The following SLC24A4 variants were observed in gnomAD, a reference collection of about 807,000 sequenced individuals.
SLC24A4 encodes the protein solute carrier family 24 member 4.
In SLC24A4, 53 loss-of-function variants were observed where a neutral mutation model predicts 79.0. The ratio of observed to expected loss-of-function variants is 0.67; its 90% CI spans 0.54 to 0.84. The LOEUF (loss-of-function observed/expected upper bound fraction) is 0.84. Ranked by LOEUF, SLC24A4 falls within the 40% of genes least tolerant of loss-of-function variation. The pLI, the probability that SLC24A4 is intolerant of heterozygous loss-of-function variation, is 0.00. For synonymous variants in SLC24A4, 323 were observed against 323.8 expected (o/e 1.00, Z 0.03); for missense variants, 731 against 822.0 (o/e 0.89, Z 1.35).
chr14:92,355,889 T>C (rs1316110349), intron 2 of SLC24A4, among the ~76,000 whole-genome samples: 1 of 152,190 alleles, frequency 6.6e-6, no homozygotes, highest in African/African-American at 2.4e-5. Flanking sequence ...TGTGTTGATT[T>C]GTTTGTGGGT....
chr14:92,354,313 G>A (rs949622434), intron 2 of SLC24A4, among the ~76,000 whole-genome samples: 2 of 152,072 alleles, frequency 1.3e-5, no homozygotes, highest in African/African-American at 4.8e-5. Context: ...ACCATGCCCG[G>A]CTATTTTTTT....
rs1446797004 is a variant in SLC24A4 at position 92,323,997 on chromosome 14, T to TG, written c.130+42dup. ...TACGGGTCCCCTCTTCCTGGGGAGTTGGGGGCTTTGGCTGGGGAGTCTCGG... is the reference window on the plus strand; with the variant it reads ...TACGGGTCCCCTCTTCCTGGGGAGTTGGGGGGCTTTGGCTGGGGAGTCTCGG... On this transcript the variant is annotated intron_variant, in intron 1 of 16. Transcript: ENST00000532405. This position sits in a 1 kb window ranked among gnomAD's most constrained non-coding sequence, Gnocchi z 4.9. 4 of 1,594,910 alleles carry TG rather than the reference T, an allele frequency of 2.5e-6. No homozygotes were observed. Among genetic ancestry groups the TG allele is most frequent in the African/African-American group, 2.7e-5 (2 of 74,086 alleles).
intron 10 of SLC24A4, 25 bp from the exon 11 acceptor site, chr14:92,453,875 C>G (rs758406863): frequency 6.3e-7 from 1 of 1,591,812 alleles, no homozygotes; most frequent in Admixed American, 1.8e-5. Context: ...GAGATCAGCA[C>G]TAATCACGGT....
intron 13 of SLC24A4, chr14:92,484,793 A>G: frequency 1.0e-6 from 1 of 985,420 alleles, no homozygotes; most frequent in Non-Finnish European, 1.2e-6. Flanking sequence ...ACTGTGTCAG[A>G]AGCATCCAGT....
chr14:92,442,005 G>T lies in SLC24A4; in HGVS notation c.394-84G>T. 9 of 1,097,414 alleles carry T rather than the reference G, an allele frequency of 8.2e-6. No homozygotes were observed. The South Asian group carries it at 1.2e-4, about 14-fold the overall frequency. 68.0% of individuals were successfully genotyped at this position (1,097,414 alleles called of 1,614,324 possible). A position where few individuals can be genotyped will look rare whatever the true frequency, so the allele number is the denominator to read the frequency against. Reference sequence around the variant, plus strand: ...CCTCTGGCTGCAGCACTGCTCTCCTGCATGCTCCTTGGCTGTAGAGCGTCC... The same window carrying T: ...CCTCTGGCTGCAGCACTGCTCTCCTTCATGCTCCTTGGCTGTAGAGCGTCC... On this transcript the variant is annotated intron_variant, in intron 4 of 16. Transcript: ENST00000532405.
At chr14:92,489,793 C>G (rs1045535727) in intron 14 of SLC24A4, among the ~76,000 whole-genome samples, 1 of 152,158 alleles carries the variant, frequency 6.6e-6, no homozygotes, top group South Asian at 2.1e-4. Flanking sequence ...TCCACCAAAC[C>G]TGAGACCCGC....
At chr14:92,375,598 C>A (rs1268193787) in intron 2 of SLC24A4, among the ~76,000 whole-genome samples, 1 of 152,202 alleles carries the variant, frequency 6.6e-6, no homozygotes, top group Admixed American at 6.5e-5. Context: ...TGTGCTATGT[C>A]CATATAATGG....
chr14:92,400,849 A>G (rs968459756), intron 2 of SLC24A4, among the ~76,000 whole-genome samples: 1 of 152,218 alleles, frequency 6.6e-6, no homozygotes, highest in Non-Finnish European at 1.5e-5. Context: ...CATATGCAAG[A>G]TAGAAAGAGC....
chr14:92,371,076 C>T (rs1042639742), intron 2 of SLC24A4, among the ~76,000 whole-genome samples: 1 of 151,910 alleles, frequency 6.6e-6, no homozygotes, highest in South Asian at 2.1e-4. Context: ...AACTTTCCTT[C>T]TAATAAAAAG....
intron 11 of SLC24A4, 40 bp downstream of exon 11, chr14:92,454,109 G>T: frequency 6.3e-7 from 1 of 1,590,110 alleles, no homozygotes; most frequent in East Asian, 2.3e-5. Flanking sequence ...AGCAGCCTTG[G>T]ATGCAGGAGG....
chr14:92,468,068 A>G (rs1343565079), intron 12 of SLC24A4, among the ~76,000 whole-genome samples: 6 of 152,224 alleles, frequency 3.9e-5, no homozygotes, highest in Non-Finnish European at 8.8e-5. Context: ...TAGATTTAAT[A>G]AACATGCAGC....
chr14:92,454,191 T>G (rs1893325517), intron 11 of SLC24A4, 122 bp downstream of exon 11: 1 of 1,016,662 alleles, frequency 9.8e-7, no homozygotes, highest in Non-Finnish European at 1.4e-6. Flanking sequence ...CCCTGGGGCC[T>G]CCAGAAGCCT....
At chr14:92,330,647 G>A (rs1011739258) in intron 2 of SLC24A4, among the ~76,000 whole-genome samples, 2 of 152,224 alleles carry the variant, frequency 1.3e-5, no homozygotes, top group African/African-American at 4.8e-5. Flanking sequence ...GGTTGTGGAG[G>A]CTGGCAAATC....
At chr14:92,445,813 A>G (rs1402877396) in intron 8 of SLC24A4, among the ~76,000 whole-genome samples, 1 of 152,228 alleles carries the variant, frequency 6.6e-6, no homozygotes, top group Middle Eastern at 3.2e-3. Flanking sequence ...TGATTTAAAG[A>G]TATTACTGTA....
At chr14:92,458,208 G>A (rs887977015) in intron 12 of SLC24A4, among the ~76,000 whole-genome samples, 5 of 152,152 alleles carry the variant, frequency 3.3e-5, no homozygotes, top group African/African-American at 1.2e-4. Flanking sequence ...AGCTGGCTGG[G>A]TTCAGAATTG....
chr14:92,415,957 AT>A (rs1461385887), intron 2 of SLC24A4, among the ~76,000 whole-genome samples: 1 of 152,116 alleles, frequency 6.6e-6, no homozygotes, highest in Non-Finnish European at 1.5e-5. Context: ...AGTCATCCTT[AT>A]GCCTTTGCAA....
chr14:92,324,066 C>T, intron 1 of SLC24A4, 106 bp downstream of exon 1: 1 of 1,446,320 alleles, frequency 6.9e-7, no homozygotes, highest in Non-Finnish European at 9.2e-7. Context: ...TCAGGTTGGT[C>T]CCAAGGGTTC....
chr14:92,359,369 T>A (rs1887366769), intron 2 of SLC24A4, among the ~76,000 whole-genome samples: 1 of 151,202 alleles, frequency 6.6e-6, no homozygotes, highest in Non-Finnish European at 1.5e-5. Flanking sequence ...AGGTCAGGAG[T>A]TCAAGACCAG....
At position 92,474,863 on chromosome 14, in the gene SLC24A4, A is replaced by ATATATATTTTT. The variant is rs36185636; in HGVS notation, c.1256-7816_1256-7815insATATATTTTTT. On this transcript the variant is annotated intron_variant, in intron 12 of 16. Coordinates refer to ENST00000532405, the MANE Select transcript of SLC24A4 (RefSeq NM_153646.4). ...TGTGTGTATATATATATATATATATATTTTTTTTTTTTTTAGTAGACACAG... is the reference window on the plus strand; with the variant it reads ...TGTGTGTATATATATATATATATATATATATATTTTTTTTTTTTTTTTTTTAGTAGACACAG... Among the ~76,000 whole-genome samples the ATATATATTTTT allele has an allele frequency of 3.2e-4, 18 of 57,124 alleles. No individual in the cohort carries two copies. In the South Asian group the frequency reaches 7.5e-3, roughly 24 times the overall value. The allele number at this position is 57,124 out of a possible 152,430, so 37.5% of individuals were successfully genotyped here. A position where few individuals can be genotyped will look rare whatever the true frequency, so the allele number is the denominator to read the frequency against.
Sources: allele counts gnomAD v4.1 joint callset (sites outside exome capture counted in the v4.1 genomes callset), GRCh38; gene constraint gnomAD v4.1.1; non-coding constraint Gnocchi (gnomAD v3.1); transcripts MANE v1.5; gene names NCBI Gene and HGNC (gene_info 2026-07-23, HGNC 2026-07-21).